Variants in LINGO2 observed in about 807,000 individuals in gnomAD.
The protein encoded by LINGO2 is leucine-rich repeat and immunoglobulin-like domain-containing nogo receptor-interacting protein 2.
Under a neutral mutation model 30.6 loss-of-function variants are expected in LINGO2, and 14 were observed. The observed-to-expected ratio is 0.46, with a 90% CI of 0.30 to 0.72. LINGO2 has a LOEUF of 0.72. Among genes scored for constraint, LINGO2 ranks in the 30% least tolerant of loss-of-function variants. The pLI is 0.07. For missense variants in LINGO2, 729 were observed against 751.7 expected (o/e 0.97, Z 0.35); for synonymous variants, 317 against 288.5 (o/e 1.10, Z -1.00).
chr9:28,557,307 AC>A (rs1340971304), intron 1 of LINGO2, among the ~76,000 whole-genome samples: 17 of 152,170 alleles, frequency 1.1e-4, no homozygotes, highest in Admixed American at 9.2e-4. Context: ...CAAGAAAAAA[AC>A]AAACAACCCC....
chr9:28,761,215 C>T, the LINGO2 span, among the ~76,000 whole-genome samples: 4 of 151,730 alleles, frequency 2.6e-5, no homozygotes, highest in African/African-American at 2.4e-5. Context: ...GAAGTACTTG[C>T]TTTTAACAAA....
At chr9:28,742,723 T>G in the LINGO2 span, among the ~76,000 whole-genome samples, 1 of 151,986 alleles carries the variant, frequency 6.6e-6, no homozygotes, top group Admixed American at 6.5e-5. Context: ...GTTAGTTACA[T>G]TCACTTTTTG....
In LINGO2 at chr9:28,097,961, C is replaced by A. The variant is rs570948526; in HGVS notation, c.-86-85556G>T. Among the ~76,000 whole-genome samples the A allele has an allele frequency of 5.3e-5, 8 of 152,204 alleles. No homozygotes were observed. In the East Asian group the frequency reaches 1.4e-3, roughly 26 times the overall value. ...AAGTCTGCCAACAGGCCTTGCTTAG[C>A]CAATGCTTCTCTTCATTCATTCTAT... is the stretch of plus-strand genomic sequence containing the variant. On this transcript the variant is annotated intron_variant, in intron 4 of 5. Coordinates refer to ENST00000379992, the Ensembl canonical transcript of LINGO2.
At chr9:28,856,839 A>G in the LINGO2 span, among the ~76,000 whole-genome samples, 1 of 152,052 alleles carries the variant, frequency 6.6e-6, no homozygotes, top group African/African-American at 2.4e-5. Flanking sequence ...AGGAAATGAT[A>G]TTAGTCTGGC....
intron 1 of LINGO2, among the ~76,000 whole-genome samples, chr9:28,539,206 A>G (rs1351046746): frequency 6.6e-6 from 1 of 152,114 alleles, no homozygotes; most frequent in Non-Finnish European, 1.5e-5. Flanking sequence ...ACAGATTTTA[A>G]GTAAACTACA....
At chr9:28,388,499 T>A (rs1236057058) in intron 2 of LINGO2, among the ~76,000 whole-genome samples, 2 of 152,234 alleles carry the variant, frequency 1.3e-5, no homozygotes, top group African/African-American at 2.4e-5. Context: ...AATATGGCAA[T>A]TTGTTTCCCA....
intron 1 of LINGO2, among the ~76,000 whole-genome samples, chr9:28,543,465 T>A (rs555498378): frequency 6.6e-6 from 1 of 152,088 alleles, no homozygotes; most frequent in Non-Finnish European, 1.5e-5. Flanking sequence ...GTTTGACACA[T>A]TTATGTAGAG....
At chr9:28,811,437 GC>G in the LINGO2 span, among the ~76,000 whole-genome samples, 1 of 152,054 alleles carries the variant, frequency 6.6e-6, no homozygotes, top group Non-Finnish European at 1.5e-5. Flanking sequence ...CCTTGTAGTG[GC>G]CTTGCTTAAA....
intron 4 of LINGO2, among the ~76,000 whole-genome samples, chr9:28,215,211 CA>C (rs1820722781): frequency 6.6e-6 from 1 of 151,686 alleles, no homozygotes; most frequent in African/African-American, 2.4e-5. Flanking sequence ...TGATATCTAA[CA>C]ATAACATTCT....
At chr9:28,773,536 C>T in the LINGO2 span, among the ~76,000 whole-genome samples, 1 of 152,038 alleles carries the variant, frequency 6.6e-6, no homozygotes, top group Non-Finnish European at 1.5e-5. Context: ...AACATTTCCC[C>T]CCATTAAATG....
intron 1 of LINGO2, among the ~76,000 whole-genome samples, chr9:28,506,405 TATATATATATATATATACACACACAC>T (rs1820114606): frequency 1.8e-4 from 1 of 5,666 alleles, no homozygotes; most frequent in Admixed American, 1.7e-3. Context: ...TAGACATATA[TATATATATATATATATACACACACAC>T]ACACACACAC....
chr9:29,057,592 T>C, the LINGO2 span, among the ~76,000 whole-genome samples: 2 of 152,054 alleles, frequency 1.3e-5, no homozygotes, highest in Non-Finnish European at 2.9e-5. Context: ...GAGACTGAGT[T>C]TGGGGCTACT....
At chr9:29,179,119 C>G in the LINGO2 span, among the ~76,000 whole-genome samples, 1 of 143,510 alleles carries the variant, frequency 7.0e-6, no homozygotes, top group Admixed American at 7.1e-5. Context: ...TCTTTACTTA[C>G]TAGAAAAGTA....
At chr9:28,392,346 C>T (rs1587603065) in intron 2 of LINGO2, among the ~76,000 whole-genome samples, 1 of 152,278 alleles carries the variant, frequency 6.6e-6, no homozygotes, top group East Asian at 1.9e-4. Context: ...AACACCTTTA[C>T]CCTGGCTTTG....
the LINGO2 span, among the ~76,000 whole-genome samples, chr9:29,097,922 A>C: frequency 1.0e-5 from 1 of 97,640 alleles, no homozygotes. Context: ...TAACAATTAT[A>C]ATCACTAATA....
chr9:29,105,699 C>T, the LINGO2 span, among the ~76,000 whole-genome samples: 2 of 152,088 alleles, frequency 1.3e-5, no homozygotes, highest in South Asian at 4.1e-4. Context: ...CGAATTCATG[C>T]CTTTAATATA....
At chr9:28,950,610 C>T in the LINGO2 span, among the ~76,000 whole-genome samples, 31 of 152,126 alleles carry the variant, frequency 2.0e-4, 1 homozygote, top group Non-Finnish European at 3.4e-4. Flanking sequence ...AATAGACAAA[C>T]GGAGAGGCAA....
chr9:28,007,365 C>T (rs997382436), intron 5 of LINGO2, among the ~76,000 whole-genome samples: 6 of 151,916 alleles, frequency 3.9e-5, no homozygotes, highest in African/African-American at 1.5e-4. Context: ...AGACAAAAAG[C>T]GCTACGCATG....
At chr9:29,156,958 A>G in the LINGO2 span, among the ~76,000 whole-genome samples, 5 of 152,212 alleles carry the variant, frequency 3.3e-5, no homozygotes, top group Admixed American at 1.3e-4. Context: ...GGCAGAATAA[A>G]CAATAATAGT....
Sources: allele counts gnomAD v4.1 joint callset (sites outside exome capture counted in the v4.1 genomes callset), GRCh38; gene constraint gnomAD v4.1.1; transcripts MANE v1.5; gene names NCBI Gene and HGNC (gene_info 2026-07-23, HGNC 2026-07-21).